The following MICU1 variants were observed in gnomAD, a reference collection of about 807,000 sequenced individuals.
MICU1 encodes calcium uptake protein 1, mitochondrial.
MICU1 carries 45 observed loss-of-function variants against 56.8 expected under a neutral mutation model. That is an observed-to-expected ratio of 0.79 (90% CI 0.62 to 1.02). The LOEUF (loss-of-function observed/expected upper bound fraction) is 1.02, where lower values mean the gene tolerates loss of function less well. Ranked by LOEUF, MICU1 falls within the 50% of genes least tolerant of loss-of-function variation. The probability of loss-of-function intolerance (pLI) is 0.00; values close to 1 mark genes in which losing one functional copy is unlikely to be tolerated. For missense variants in MICU1, 504 were observed against 587.1 expected, an observed-to-expected ratio of 0.86 and a Z score of 1.46; for synonymous variants, 186 against 195.1, an observed-to-expected ratio of 0.95 and a Z score of 0.39.
At chr10:72,474,616 C>G (rs1314617231) in intron 8 of MICU1, among the ~76,000 whole-genome samples, 1 of 152,154 alleles carries the variant, frequency 6.6e-6, no homozygotes, top group African/African-American at 2.4e-5. Flanking sequence ...CTTAGCCTCC[C>G]GGGTAGCTGG....
At position 72,445,613 on chromosome 10, in the gene MICU1, G is replaced by A. The variant is rs149940099; in HGVS notation, c.934-22242C>T. Among the ~76,000 whole-genome samples, 498 of 152,222 alleles carry A rather than the reference G, an allele frequency of 3.3e-3. 4 individuals carry two copies. The highest frequency in any genetic ancestry group is 0.011 in the African/African-American group (469 of 41,564). ...GTTTTGGCTCTCTGGAAAGATTGGG[G>A]GATTCTTCTTGCATCCATATCAAGG... On this transcript the variant is annotated intron_variant, in intron 8 of 11. Coordinates refer to ENST00000361114, the MANE Select transcript of MICU1 (RefSeq NM_001195518.2).
At chr10:72,437,483 A>G (rs1045974350) in intron 8 of MICU1, among the ~76,000 whole-genome samples, 1 of 152,242 alleles carries the variant, frequency 6.6e-6, no homozygotes, top group African/African-American at 2.4e-5. Flanking sequence ...AAGAAACTGC[A>G]TAATTTAATA....
chr10:72,577,970 C>G (rs1840793366), intron 1 of MICU1, among the ~76,000 whole-genome samples: 1 of 152,104 alleles, frequency 6.6e-6, no homozygotes, highest in Non-Finnish European at 1.5e-5. Flanking sequence ...GATAAGGCAG[C>G]AGCAGGGTTT....
At chr10:72,509,243 C>T (rs1867361141) in intron 5 of MICU1, among the ~76,000 whole-genome samples, 1 of 152,036 alleles carries the variant, frequency 6.6e-6, no homozygotes, top group African/African-American at 2.4e-5. Flanking sequence ...ATTTTAAAAA[C>T]CCAAACCAAT....
chr10:72,532,177 G>A (rs1359899382), intron 5 of MICU1, among the ~76,000 whole-genome samples: 1 of 152,028 alleles, frequency 6.6e-6, no homozygotes, highest in African/African-American at 2.4e-5. Context: ...AAGTAGCTGG[G>A]CATGGTGGCG....
chr10:72,605,171 C>T (rs1841652975), intron 1 of MICU1, among the ~76,000 whole-genome samples: 2 of 152,312 alleles, frequency 1.3e-5, no homozygotes, highest in Middle Eastern at 3.4e-3. Context: ...AAACAACCTA[C>T]TGTCATCCTC....
rs190215684 is a variant in MICU1, at chr10:72,609,930, G to T, written c.-2+16080C>A. Among the ~76,000 whole-genome samples, 374 of 151,732 alleles carry T rather than the reference G, an allele frequency of 2.5e-3. 1 individual carries two copies. The highest frequency in any genetic ancestry group is 8.6e-3 in the African/African-American group (354 of 41,346). ...CGTGCCTGTAATCCTAGCTAGTCCG[G>T]AAGCTGAGGCAGAGAGTTGCTTAAA... On this transcript the variant is annotated intron_variant, in intron 1 of 11. Transcript: ENST00000361114.
intron 5 of MICU1, among the ~76,000 whole-genome samples, chr10:72,529,484 T>C (rs1431601119): frequency 2.0e-5 from 3 of 152,178 alleles, no homozygotes; most frequent in South Asian, 2.1e-4. Context: ...GTTGCGGAAA[T>C]TGGTATTCCT....
At chr10:72,601,450 GAAAGA>G (rs1203824859) in intron 1 of MICU1, among the ~76,000 whole-genome samples, 3 of 143,996 alleles carry the variant, frequency 2.1e-5, no homozygotes, top group Non-Finnish European at 3.0e-5. Context: ...AAAAAAAAAG[GAAAGA>G]AAAGAAAGAA....
At chr10:72,397,631 C>T (rs534495814) in intron 10 of MICU1, among the ~76,000 whole-genome samples, 1 of 152,102 alleles carries the variant, frequency 6.6e-6, no homozygotes, top group African/African-American at 2.4e-5. Flanking sequence ...GTGGTTGCAA[C>T]CCTAGTCTCT....
chr10:72,407,111 C>T (rs550582823), intron 10 of MICU1, among the ~76,000 whole-genome samples: 3 of 152,154 alleles, frequency 2.0e-5, no homozygotes, highest in African/African-American at 7.2e-5. Flanking sequence ...ACAAAGGTTG[C>T]CTCTTGGTGA....
chr10:72,371,470 C>T (rs772720537), intron 11 of MICU1, among the ~76,000 whole-genome samples: 4 of 151,454 alleles, frequency 2.6e-5, no homozygotes, highest in Non-Finnish European at 4.4e-5. Context: ...AGGCCAGGCA[C>T]GGTGCCTCAC....
At chr10:72,586,672 A>C (rs565761333) in intron 1 of MICU1, among the ~76,000 whole-genome samples, 4 of 151,940 alleles carry the variant, frequency 2.6e-5, no homozygotes, top group Admixed American at 6.5e-5. Flanking sequence ...AAACCCATAG[A>C]TATGAATAGC....
chr10:72,464,257 C>T (rs1865720841), intron 8 of MICU1, among the ~76,000 whole-genome samples: 1 of 142,156 alleles, frequency 7.0e-6, no homozygotes, highest in Non-Finnish European at 1.5e-5. Flanking sequence ...GATTGTACCA[C>T]TGCACTCTAG....
chr10:72,533,040 G>A, intron 5 of MICU1: 1 of 1,289,134 alleles, frequency 7.8e-7, no homozygotes, highest in Non-Finnish European at 1.0e-6. Context: ...CCTGTTCATT[G>A]TGCTTTGTAG....
At position 72,510,070 on chromosome 10, in the gene MICU1, G is replaced by C. The variant is rs1467264979; in HGVS notation, c.538-1801C>G. The stretch of plus-strand genomic sequence containing the variant: ...GATGTAATAAGCTTATGGGGAAATT[G>C]CTATAATTAAAATAAATAACATAGT... On this transcript the variant is annotated intron_variant, in intron 5 of 11. Coordinates refer to ENST00000361114, the MANE Select transcript of MICU1 (RefSeq NM_001195518.2). Among the ~76,000 whole-genome samples the C allele has an allele frequency of 3.9e-5, 6 of 152,114 alleles. 1 individual carries two copies. The South Asian group carries it at 8.3e-4, about 21-fold the overall frequency.
chr10:72,374,569 TCAGGGAA>T (rs1472488769), intron 11 of MICU1, among the ~76,000 whole-genome samples: 1 of 152,124 alleles, frequency 6.6e-6, no homozygotes, highest in African/African-American at 2.4e-5. Context: ...CTTAAAAAGC[TCAGGGAA>T]CCATGTTAAG....
In MICU1 at chr10:72,592,737, A is replaced by G. The variant is rs7918882; in HGVS notation, c.-1-25943T>C. Among the ~76,000 whole-genome samples the G allele has an allele frequency of 5.6e-3, 857 of 152,082 alleles. 6 individuals are homozygous for G. Among genetic ancestry groups the G allele is most frequent in the African/African-American group, 0.02 (817 of 41,498 alleles). The stretch of plus-strand genomic sequence containing the variant: ...AAGAAAAATCTACATGGTCATCTCA[A>G]TTCATGCAGAAAGAGCATTTCCCAA... On this transcript the variant is annotated intron_variant, in intron 1 of 11. Coordinates refer to ENST00000361114, the MANE Select transcript of MICU1 (RefSeq NM_001195518.2).
chr10:72,430,920 T>C (rs886496962), intron 8 of MICU1, among the ~76,000 whole-genome samples: 2 of 152,210 alleles, frequency 1.3e-5, no homozygotes, highest in African/African-American at 4.8e-5. Flanking sequence ...TGTTTACTTT[T>C]ACTTGCTTCC....
Sources: gnomAD v4.1 joint callset for allele counts (sites outside exome capture counted in the v4.1 genomes callset) on GRCh38, gnomAD v4.1.1 for gene constraint, MANE v1.5 for transcripts, NCBI Gene and HGNC (gene_info 2026-07-23, HGNC 2026-07-21) for gene names.